Variants in AVEN observed in about 807,000 individuals in gnomAD.
The protein encoded by AVEN is apoptosis and caspase activation inhibitor.
A neutral mutation model predicts 38.1 loss-of-function variants in AVEN; 41 were observed. That is an observed-to-expected ratio of 1.08 (90% CI 0.84 to 1.40). The LOEUF (loss-of-function observed/expected upper bound fraction) is 1.40, where lower values mean the gene tolerates loss of function less well. AVEN is among the 40% of genes most tolerant of loss of function. AVEN has a pLI of 0.00. For missense variants in AVEN, 605 were observed against 438.8 expected (o/e 1.38, Z -3.38); for synonymous variants, 206 against 171.8 (o/e 1.20, Z -1.56).
At chr15:33,853,561 A>T in the AVEN span, 1 of 1,613,624 alleles carries the variant, frequency 6.2e-7, no homozygotes, top group South Asian at 1.1e-5. Context: ...TCAGGTGATC[A>T]ACAAGTATGG....
At chr15:34,014,138 G>A (rs570193575) in intron 1 of AVEN, among the ~76,000 whole-genome samples, 41 of 152,222 alleles carry the variant, frequency 2.7e-4, no homozygotes, top group African/African-American at 4.3e-4. Flanking sequence ...CAACATGGGC[G>A]GATCACCTGA....
intron 2 of AVEN, among the ~76,000 whole-genome samples, chr15:33,910,611 G>A (rs1458228602): frequency 6.6e-6 from 1 of 152,182 alleles, no homozygotes; most frequent in African/African-American, 2.4e-5. Flanking sequence ...GACAGGGAGA[G>A]AGAATGCACC....
intron 2 of AVEN, among the ~76,000 whole-genome samples, chr15:33,984,757 C>T (rs1240481537): frequency 6.6e-6 from 1 of 152,080 alleles, no homozygotes; most frequent in African/African-American, 2.4e-5. Flanking sequence ...AACATCTTCC[C>T]AGGACTTCGG....
chr15:34,054,218 A>G (rs958891155), intron 5 of AVEN, among the ~76,000 whole-genome samples: 4 of 152,214 alleles, frequency 2.6e-5, no homozygotes, highest in African/African-American at 9.6e-5. Context: ...GAACACTTCT[A>G]CACTGCTGGT....
intron 4 of AVEN, among the ~76,000 whole-genome samples, chr15:33,869,601 G>A (rs1485471509): frequency 6.6e-6 from 1 of 152,116 alleles, no homozygotes; most frequent in Non-Finnish European, 1.5e-5. Context: ...CCCCATCAGA[G>A]GCAAATGTAA....
intron 2 of AVEN, among the ~76,000 whole-genome samples, chr15:33,877,778 G>A (rs1030033600): frequency 6.6e-5 from 10 of 151,754 alleles, no homozygotes; most frequent in African/African-American, 2.4e-4. Flanking sequence ...GTAAAACCCC[G>A]TCTCTACTAA....
chr15:33,926,240 C>T (rs1464174709), intron 2 of AVEN, among the ~76,000 whole-genome samples: 1 of 152,216 alleles, frequency 6.6e-6, no homozygotes, highest in Non-Finnish European at 1.5e-5. Flanking sequence ...TTCTCCAGAA[C>T]CCTATTTATG....
At chr15:34,031,845 C>T (rs548831437) in intron 1 of AVEN, among the ~76,000 whole-genome samples, 14 of 152,280 alleles carry the variant, frequency 9.2e-5, no homozygotes, top group African/African-American at 3.4e-4. Context: ...TTTTCAGCAT[C>T]CTCTGACAAA....
chr15:34,044,317 A>G (rs746613269), intron 5 of AVEN, among the ~76,000 whole-genome samples: 4 of 152,138 alleles, frequency 2.6e-5, no homozygotes, highest in Admixed American at 1.3e-4. Context: ...AACTAAATCC[A>G]ATGGTCAGGT....
chr15:33,899,323 A>T (rs1226351788), intron 2 of AVEN, among the ~76,000 whole-genome samples: 1 of 152,184 alleles, frequency 6.6e-6, no homozygotes, highest in Non-Finnish European at 1.5e-5. Context: ...ATATGGTAGT[A>T]GAACTAGAAA....
intron 2 of AVEN, among the ~76,000 whole-genome samples, chr15:33,990,003 G>C (rs1341364969): frequency 6.6e-6 from 1 of 151,636 alleles, no homozygotes; most frequent in African/African-American, 2.4e-5. Context: ...CAGGAGTTGA[G>C]ACCAGCCTGG....
rs890309703 is a variant in AVEN at position 33,961,599 on chromosome 15, G to C, written c.445+41433C>G. ...GAGGCCAAGGTGGGCGAATCACGAG[G>C]TCAGGAGATCGAGACCATTCTGGCT... is the stretch of plus-strand genomic sequence containing the variant. On this transcript the variant is annotated intron_variant, in intron 2 of 5. Transcript: ENST00000306730. Among the ~76,000 whole-genome samples, 3 of 151,720 alleles carry C rather than the reference G, an allele frequency of 2.0e-5. No individual in the cohort carries two copies. In the East Asian group the frequency reaches 5.9e-4, roughly 30 times the overall value.
chr15:33,881,940 T>A (rs538667448), intron 2 of AVEN, among the ~76,000 whole-genome samples: 1 of 152,270 alleles, frequency 6.6e-6, no homozygotes, highest in South Asian at 2.1e-4. Flanking sequence ...GGAACAAACA[T>A]GGAGAAGTGT....
At chr15:33,905,087 G>A (rs1038775618) in intron 2 of AVEN, among the ~76,000 whole-genome samples, 9 of 145,680 alleles carry the variant, frequency 6.2e-5, no homozygotes, top group African/African-American at 1.0e-4. Flanking sequence ...CTGAGATTGC[G>A]CCGTCGCACT....
chr15:33,978,525 T>A (rs1895994612), intron 2 of AVEN, among the ~76,000 whole-genome samples: 1 of 151,996 alleles, frequency 6.6e-6, no homozygotes, highest in Admixed American at 6.6e-5. Flanking sequence ...TTAGCCGGCA[T>A]GGTGGCAGGC....
chr15:33,890,822 G>T (rs1331151538), intron 2 of AVEN, among the ~76,000 whole-genome samples: 1 of 152,122 alleles, frequency 6.6e-6, no homozygotes, highest in East Asian at 1.9e-4. Flanking sequence ...CATTACAAAG[G>T]TAAAACTGGC....
chr15:34,040,463 AAC>A (rs1464508184), upstream of AVEN, among the ~76,000 whole-genome samples: 2 of 152,206 alleles, frequency 1.3e-5, no homozygotes, highest in Non-Finnish European at 2.9e-5. Flanking sequence ...ACTCCAGAGA[AAC>A]AGTCTTAAAA....
intron 2 of AVEN, among the ~76,000 whole-genome samples, chr15:33,961,639 C>T (rs904423896): frequency 4.6e-5 from 7 of 151,218 alleles, no homozygotes; most frequent in South Asian, 2.1e-4. Flanking sequence ...CGGTGAAACC[C>T]CGTCTCTACT....
chr15:33,855,362 C>A (rs60633462), downstream of AVEN, among the ~76,000 whole-genome samples: 744 of 152,292 alleles, frequency 4.9e-3, 6 homozygotes, highest in African/African-American at 0.016. Context: ...TGCCACCATG[C>A]CCGGCTAATT....
Sources: gnomAD v4.1 joint callset for allele counts (sites outside exome capture counted in the v4.1 genomes callset) on GRCh38, gnomAD v4.1.1 for gene constraint, MANE v1.5 for transcripts, NCBI Gene and HGNC (gene_info 2026-07-23, HGNC 2026-07-21) for gene names.